EIF2A: variants seen among roughly 807,000 people sequenced by gnomAD.
EIF2A encodes 65 kDa eukaryotic translation initiation factor 2A.
In EIF2A, 62 loss-of-function variants were observed where a neutral mutation model predicts 75.2. The observed-to-expected ratio is 0.82, with a 90% CI of 0.67 to 1.02. The LOEUF is 1.02. Ranked by LOEUF, EIF2A falls within the 50% of genes least tolerant of loss-of-function variation. The pLI, the probability that EIF2A is intolerant of heterozygous loss-of-function variation, is 0.00. For synonymous variants in EIF2A, 207 were observed against 239.0 expected, an observed-to-expected ratio of 0.87 and a Z score of 1.23; for missense variants, 611 against 677.7, an observed-to-expected ratio of 0.90 and a Z score of 1.09.
Position 150,563,616 on chromosome 3 carries a change from T to C in EIF2A, c.392+2T>C, listed in dbSNP as rs762406363. On this transcript the variant is annotated splice_donor_variant, in intron 5 of 13. Coordinates refer to ENST00000460851, the MANE Select transcript of EIF2A (RefSeq NM_032025.5). LOFTEE classifies it high-confidence loss of function. Reference sequence around the variant, plus strand: ...CATCCAGAAAAAAATGCAAAATTGGTAAATAAATGGCTTAAAATACTAATT... The same window carrying C: ...CATCCAGAAAAAAATGCAAAATTGGCAAATAAATGGCTTAAAATACTAATT... 8 of 1,524,492 alleles carry C rather than the reference T, an allele frequency of 5.2e-6. No individual in the cohort carries two copies. The highest frequency in any genetic ancestry group is 7.0e-6 in the Non-Finnish European group (8 of 1,136,696). The allele number at this position is 1,524,492 out of a possible 1,614,324, so 94.4% of individuals were successfully genotyped here.
chr3:150,581,971 A>C (rs1725206221), intron 12 of EIF2A, among the ~76,000 whole-genome samples: 1 of 152,128 alleles, frequency 6.6e-6, no homozygotes. Flanking sequence ...GGAGTAATAA[A>C]ATTCAGTGTG....
chr3:150,583,409 T>C, intron 13 of EIF2A, 144 bp downstream of exon 13: 1 of 717,196 alleles, frequency 1.4e-6, no homozygotes, highest in Non-Finnish European at 2.2e-6. Context: ...TTTTAATGTT[T>C]TTACTTTTAA....
At chr3:150,548,873 T>C (rs9856181) in intron 1 of EIF2A, among the ~76,000 whole-genome samples, 47,920 of 152,112 alleles carry the variant, frequency 0.32, 8,270 homozygotes, top group East Asian at 0.49. Context: ...TTGGCAGGAT[T>C]AGGATTATAC....
In EIF2A at chr3:150,562,515, T is replaced by A. The variant is rs750439036; in HGVS notation, c.174-27T>A. 3.3e-6 allele frequency: 5 copies of A among 1,513,552 alleles called. No individual in the cohort carries two copies. In the Admixed American group the frequency reaches 8.8e-5, roughly 27 times the overall value. 93.8% of individuals were successfully genotyped at this position (1,513,552 alleles called of 1,614,324 possible). A position where few individuals can be genotyped will look rare whatever the true frequency, so the allele number is the denominator to read the frequency against. ...TGACTACTATAAAACAGTATTTCATTGCTGAAATAATTTCTTTTGAAACCA... is the reference window on the plus strand; with the variant it reads ...TGACTACTATAAAACAGTATTTCATAGCTGAAATAATTTCTTTTGAAACCA... On this transcript the variant is annotated intron_variant, in intron 3 of 13. Transcript: ENST00000460851.
intron 11 of EIF2A, among the ~76,000 whole-genome samples, chr3:150,580,010 A>G (rs73001352): frequency 0.011 from 1,718 of 152,270 alleles, 28 homozygotes; most frequent in African/African-American, 0.039. Flanking sequence ...ATTATAAAGG[A>G]AGAGTCATTC....
intron 8 of EIF2A, 36 bp from the exon 9 acceptor site, chr3:150,568,140 G>A (rs1724292801): frequency 6.2e-7 from 1 of 1,603,770 alleles, no homozygotes; most frequent in Non-Finnish European, 8.5e-7. Flanking sequence ...ATGCCCATTT[G>A]TGTTTTAAAT....
intron 11 of EIF2A, among the ~76,000 whole-genome samples, chr3:150,577,342 TTTTG>T (rs1186938837): frequency 6.6e-6 from 1 of 151,920 alleles, no homozygotes; most frequent in African/African-American, 2.4e-5. Flanking sequence ...TTTTTGGATG[TTTTG>T]TTTTTGTTTC....
At chr3:150,559,353 T>TA (rs1723730186) in intron 3 of EIF2A, among the ~76,000 whole-genome samples, 1 of 152,080 alleles carries the variant, frequency 6.6e-6, no homozygotes, top group Non-Finnish European at 1.5e-5. Context: ...AATTGGTCTT[T>TA]TATTCTTTTT....
intron 5 of EIF2A, 21 bp from the exon 6 acceptor site, chr3:150,564,278 T>C: frequency 6.6e-7 from 1 of 1,517,472 alleles, no homozygotes; most frequent in Non-Finnish European, 8.8e-7. Context: ...TTTATACTTT[T>C]TTTTTTTTTC....
chr3:150,584,080 A>C lies in EIF2A; in HGVS notation c.*169A>C, dbSNP rs1310641086. Reference sequence around the variant, plus strand: ...TAAAATTATTTAATAATGTCTATTAAATTGATATTTATATCTTGCATCCTA... The same window carrying C: ...TAAAATTATTTAATAATGTCTATTACATTGATATTTATATCTTGCATCCTA... On this transcript the variant is annotated 3_prime_UTR_variant, in exon 14 of 14. Transcript: ENST00000460851. 1.7e-6 allele frequency: 1 copy of C among 599,972 alleles called. No individual in the cohort carries two copies. Among genetic ancestry groups the C allele is most frequent in the Non-Finnish European group, 2.8e-6 (1 of 357,024 alleles). The allele number at this position is 599,972 out of a possible 1,614,324, so 37.2% of individuals were successfully genotyped here.
intron 6 of EIF2A, 52 bp downstream of exon 6, chr3:150,564,433 T>TAAG: frequency 7.0e-7 from 1 of 1,422,688 alleles, no homozygotes; most frequent in Non-Finnish European, 9.5e-7. Flanking sequence ...TCGTATACAG[T>TAAG]TTCCATTAAC....
chr3:150,575,565 C>G (rs1020525237), intron 10 of EIF2A, 84 bp from the exon 11 acceptor site: 2 of 995,556 alleles, frequency 2.0e-6, no homozygotes, highest in Admixed American at 3.1e-5. Context: ...TAAGTTTATC[C>G]TATATTAGCA....
At chr3:150,582,764 G>A (rs895812706) in intron 12 of EIF2A, among the ~76,000 whole-genome samples, 2 of 152,056 alleles carry the variant, frequency 1.3e-5, no homozygotes, top group African/African-American at 4.8e-5. Context: ...TGGCCCTGGG[G>A]ATAAAAAAAG....
At chr3:150,559,497 C>CG (rs1723736898) in intron 3 of EIF2A, among the ~76,000 whole-genome samples, 1 of 89,086 alleles carries the variant, frequency 1.1e-5, no homozygotes, top group Non-Finnish European at 2.4e-5. Flanking sequence ...TATGCCCAGC[C>CG]CTTTTTTTTT....
intron 2 of EIF2A, chr3:150,557,746 G>T: frequency 3.3e-6 from 1 of 305,534 alleles, no homozygotes; most frequent in Non-Finnish European, 6.4e-6. Flanking sequence ...AGTGTAAGCT[G>T]TCATTATTGT....
intron 9 of EIF2A, among the ~76,000 whole-genome samples, chr3:150,570,424 G>A (rs1724440607): frequency 2.6e-5 from 4 of 151,820 alleles, no homozygotes; most frequent in African/African-American, 9.7e-5. Flanking sequence ...CCTCAGAGCC[G>A]GTGCAGTGGC....
intron 11 of EIF2A, among the ~76,000 whole-genome samples, chr3:150,579,657 A>G (rs139295491): frequency 1.3e-5 from 2 of 151,718 alleles, no homozygotes; most frequent in Non-Finnish European, 2.9e-5. Flanking sequence ...GGAGGTTGCA[A>G]TGAGCTGGAA....
chr3:150,564,754 T>A (rs1276322088), intron 6 of EIF2A: 1 of 182,530 alleles, frequency 5.5e-6, no homozygotes, highest in Non-Finnish European at 1.2e-5. Flanking sequence ...CATCCATACA[T>A]CTCTCCAGCT....
chr3:150,568,236 G>T lies in EIF2A; in HGVS notation c.755G>T (p.Gly252Val). 1 of 1,613,736 alleles carries T rather than the reference G, an allele frequency of 6.2e-7. No homozygotes were observed. Among genetic ancestry groups the T allele is most frequent in the South Asian group, 1.1e-5 (1 of 91,054 alleles). ...DVDKTGASYYGEQTLHYIATN... is the reference protein window; with the variant it reads ...DVDKTGASYYVEQTLHYIATN... ...GACAAGACAGGAGCTTCCTACTATGGAGAACAAACTCTACACTACATTGCA... is the reference window on the plus strand; with the variant it reads ...GACAAGACAGGAGCTTCCTACTATGTAGAACAAACTCTACACTACATTGCA... Residue 252 changes from glycine (G) to valine (V), a missense_variant, in exon 9 of 14, where the codon GGA (glycine) becomes GTA (valine). By Grantham distance (109) the Gly-to-Val change is moderately radical. Coordinates refer to ENST00000460851, the MANE Select transcript of EIF2A (RefSeq NM_032025.5).
Sources: gnomAD v4.1 joint callset for allele counts (sites outside exome capture counted in the v4.1 genomes callset) on GRCh38, gnomAD v4.1.1 for gene constraint, MANE v1.5 for transcripts, NCBI Gene and HGNC (gene_info 2026-07-23, HGNC 2026-07-21) for gene names.